CPSF4L: variants seen among roughly 807,000 people sequenced by gnomAD.
CPSF4L encodes cleavage and polyadenylation specific factor 4 like.
A neutral mutation model predicts 24.0 loss-of-function variants in CPSF4L; 18 were observed. The ratio of observed to expected loss-of-function variants is 0.75; its 90% CI spans 0.52 to 1.11. The LOEUF is 1.11. Ranked by LOEUF, CPSF4L falls within the 50% of genes least tolerant of loss-of-function variation. CPSF4L has a pLI of 0.00. For synonymous variants in CPSF4L, 72 were observed against 77.2 expected (o/e 0.93, Z 0.35); for missense variants, 211 against 221.8 (o/e 0.95, Z 0.31).
rs754963851 is a variant in CPSF4L, at chr17:73,260,970, A to C, written c.117T>G (p.Ala39=). Residue 39 remains alanine (A), a synonymous_variant, in exon 2 of 6, where the codon GCT becomes GCG. Coordinates refer to ENST00000344935, the MANE Select transcript of CPSF4L (RefSeq NM_001129885.1). ...GCCCTTTAGTGAAGAAGTTGCACACAGCTGAGGCCGACTCTGGAAGGAGAA... is the reference window on the plus strand; with the variant it reads ...GCCCTTTAGTGAAGAAGTTGCACACCGCTGAGGCCGACTCTGGAAGGAGAA... ...PFQGMDKSAS[A]VCNFFTKGLC... is the part of the protein sequence containing the mutation. 5.8e-6 allele frequency: 9 copies of C among 1,550,390 alleles called. No homozygotes were observed. Among genetic ancestry groups the C allele is most frequent in the Non-Finnish European group, 7.9e-6 (9 of 1,146,192 alleles).
chr17:73,255,891 G>A (rs1022770798), intron 3 of CPSF4L, among the ~76,000 whole-genome samples: 3 of 152,118 alleles, frequency 2.0e-5, no homozygotes, highest in African/African-American at 7.2e-5. Context: ...CCTTCAATCC[G>A]CCTTTCAGAG....
chr17:73,254,047 T>C (rs1480904476), intron 3 of CPSF4L, 21 bp from the exon 4 acceptor site: 2 of 1,531,346 alleles, frequency 1.3e-6, no homozygotes, highest in East Asian at 2.4e-5. Context: ...CAGCACTCTC[T>C]GTAGAAGCAG....
chr17:73,242,296 C>G, the CPSF4L span: 1 of 1,606,640 alleles, frequency 6.2e-7, no homozygotes, highest in East Asian at 2.2e-5. Flanking sequence ...AACCCCCTGC[C>G]GGACTTACAA....
rs896930740 is a variant in CPSF4L, at chr17:73,261,865, G to C, written c.-47C>G. 2.1e-6 allele frequency: 3 copies of C among 1,432,344 alleles called. No individual in the cohort carries two copies. The highest frequency in any genetic ancestry group is 2.9e-6 in the Non-Finnish European group (3 of 1,039,380). 88.7% of individuals were successfully genotyped at this position (1,432,344 alleles called of 1,614,324 possible). Reference sequence around the variant, plus strand: ...GCGGAAGCTGCTGGAACCCAGGCAGGTGGGCCCAATATAGCTCATCAGAGG... The same window carrying C: ...GCGGAAGCTGCTGGAACCCAGGCAGCTGGGCCCAATATAGCTCATCAGAGG... On this transcript the variant is annotated 5_prime_UTR_variant, in exon 1 of 6. Transcript: ENST00000344935.
intron 5 of CPSF4L, among the ~76,000 whole-genome samples, chr17:73,251,826 G>T (rs1274903943): frequency 1.3e-5 from 2 of 152,226 alleles, no homozygotes; most frequent in Non-Finnish European, 2.9e-5. Context: ...GAGTGTGTGT[G>T]TCTCTCCATA....
At chr17:73,255,118 G>T (rs892220169) in intron 3 of CPSF4L, among the ~76,000 whole-genome samples, 1 of 152,110 alleles carries the variant, frequency 6.6e-6, no homozygotes, top group South Asian at 2.1e-4. Flanking sequence ...AAGGAGCGTC[G>T]TAGCGTCTAT....
downstream of CPSF4L, among the ~76,000 whole-genome samples, chr17:73,246,794 T>A (rs1054063802): frequency 1.3e-5 from 2 of 152,224 alleles, no homozygotes; most frequent in Non-Finnish European, 1.5e-5. Context: ...GGAAGAGTTC[T>A]ACATTCAGTT....
At chr17:73,252,002 T>G (rs559154368) in intron 5 of CPSF4L, among the ~76,000 whole-genome samples, 1 of 152,198 alleles carries the variant, frequency 6.6e-6, no homozygotes, top group Non-Finnish European at 1.5e-5. Flanking sequence ...CAACCACATA[T>G]ATGTGTCCCA....
downstream of CPSF4L, chr17:73,245,017 CTG>C (rs1427082034): frequency 4.5e-6 from 3 of 673,814 alleles, no homozygotes; most frequent in Non-Finnish European, 7.6e-6. Flanking sequence ...TGAACAGAGA[CTG>C]AAGAAAGTGA....
intron 3 of CPSF4L, among the ~76,000 whole-genome samples, chr17:73,256,497 C>T (rs2062025005): frequency 6.6e-6 from 1 of 152,218 alleles, no homozygotes; most frequent in African/African-American, 2.4e-5. Flanking sequence ...AGCCAAGCCT[C>T]CTGAGTCAGG....
At chr17:73,246,628 C>T (rs2145259889), downstream of CPSF4L, among the ~76,000 whole-genome samples, 1 of 152,310 alleles carries the variant, frequency 6.6e-6, no homozygotes, top group South Asian at 2.1e-4. Flanking sequence ...AATGCTGGGG[C>T]TACTTTTTAC....
the CPSF4L span, chr17:73,242,855 T>TG: frequency 1.3e-6 from 2 of 1,540,598 alleles, no homozygotes; most frequent in South Asian, 2.3e-5. Flanking sequence ...TGGCCCTAGT[T>TG]TCAGTTGCTG....
At chr17:73,261,953 T>C (rs1456768117), upstream of CPSF4L, 7 of 660,860 alleles carry the variant, frequency 1.1e-5, no homozygotes, top group Non-Finnish European at 1.6e-5. Flanking sequence ...GCCAGGTGAC[T>C]GCAGGGGACG....
At chr17:73,245,603 G>T, downstream of CPSF4L, 2 of 985,384 alleles carry the variant, frequency 2.0e-6, no homozygotes, top group South Asian at 9.4e-5. Context: ...ATACAGGAAA[G>T]TATCTGAATT....
At chr17:73,243,077 A>AT in the CPSF4L span, 4,192 of 432,992 alleles carry the variant, frequency 9.7e-3, 5 homozygotes, top group South Asian at 0.018. Context: ...GATTCTCTGA[A>AT]TTTTTTTTTT....
At chr17:73,261,088 T>C (rs1221491598) in intron 1 of CPSF4L, 105 bp from the exon 2 acceptor site, 14 of 921,938 alleles carry the variant, frequency 1.5e-5, no homozygotes, top group Non-Finnish European at 2.2e-5. Context: ...TCCCCCAGGC[T>C]CTGGCCTATG....
At chr17:73,243,053 G>T in the CPSF4L span, 2 of 1,278,704 alleles carry the variant, frequency 1.6e-6, no homozygotes, top group Non-Finnish European at 2.2e-6. Context: ...ATTCCGTTAT[G>T]TGGACCTCCA....
chr17:73,245,816 C>A (rs781242965), downstream of CPSF4L: 2 of 710,110 alleles, frequency 2.8e-6, no homozygotes, highest in Non-Finnish European at 3.5e-6. Context: ...TTTTATACAT[C>A]TTAATTGAGT....
Position 73,261,783 on chromosome 17 carries a change from G to C in CPSF4L, c.36C>G (p.Thr12=), listed in dbSNP as rs373715364. 1 of 1,551,812 alleles carries C rather than the reference G, an allele frequency of 6.4e-7. No individual in the cohort carries two copies. Among genetic ancestry groups the C allele is most frequent in the Non-Finnish European group, 8.7e-7 (1 of 1,146,996 alleles). The change falls in exon 1 of 6, where the codon ACC becomes ACG. Residue 12 remains threonine, a synonymous_variant. Coordinates refer to ENST00000344935, the MANE Select transcript of CPSF4L (RefSeq NM_001129885.1). ...QEVIAGLERF[T]FAFEKDVEMQ... ...TCTCGACATCCTTCTCGAAGGCAAA[G>C]GTGAACCGCTCTAGCCCCGCAATGA...
Sources: gnomAD v4.1 joint callset for allele counts (sites outside exome capture counted in the v4.1 genomes callset) on GRCh38, gnomAD v4.1.1 for gene constraint, MANE v1.5 for transcripts, NCBI Gene and HGNC (gene_info 2026-07-23, HGNC 2026-07-21) for gene names.